ST13: variants seen among roughly 807,000 people sequenced by gnomAD.
ST13 encodes the protein hsc70-interacting protein.
ST13 carries 23 observed loss-of-function variants against 56.7 expected under a neutral mutation model. The ratio of observed to expected loss-of-function variants is 0.41; its 90% CI spans 0.29 to 0.57. ST13 has a LOEUF of 0.57. ST13 is among the 20% of genes least tolerant of loss of function. ST13 has a pLI of 0.36. For synonymous variants in ST13, 132 were observed against 142.4 expected (o/e 0.93, Z 0.52); for missense variants, 369 against 459.9 (o/e 0.80, Z 1.81).
chr22:40,833,887 C>CA (rs1437897291), intron 7 of ST13, among the ~76,000 whole-genome samples: 1 of 152,064 alleles, frequency 6.6e-6, no homozygotes, highest in Non-Finnish European at 1.5e-5. Flanking sequence ...CAAAACAAAA[C>CA]ACTGTGTATT....
chr22:40,838,911 T>TA (rs138338), intron 5 of ST13, among the ~76,000 whole-genome samples: 5,251 of 139,768 alleles, frequency 0.038, 135 homozygotes, highest in South Asian at 0.071. Flanking sequence ...ATAGCATAAA[T>TA]AAAAAAAAAA....
At chr22:40,851,487 G>T (rs984677311) in intron 1 of ST13, among the ~76,000 whole-genome samples, 1 of 151,828 alleles carries the variant, frequency 6.6e-6, no homozygotes, top group African/African-American at 2.4e-5. Context: ...ATAGTTCAGG[G>T]CAACACAATT....
chr22:40,830,838 A>G lies in ST13; in HGVS notation c.798+2T>C. The G allele has an allele frequency of 6.3e-7, 1 of 1,591,314 alleles. No homozygotes were observed. On this transcript the variant is annotated splice_donor_variant, in intron 9 of 11. Transcript: ENST00000216218. LOFTEE classifies it high-confidence loss of function. The stretch of plus-strand genomic sequence containing the variant: ...TTCATGGCTTAGCTATAGGAAATTT[A>G]CCCTCTGGGCTCTCTCATGCTCTTC...
intron 3 of ST13, 42 bp downstream of exon 3, chr22:40,848,252 C>T (rs369291321): frequency 7.2e-7 from 1 of 1,395,658 alleles, no homozygotes; most frequent in African/African-American, 1.4e-5. Context: ...CAAAGTATCA[C>T]ATCATAGGTT....
chr22:40,846,334 A>G (rs1446337089), intron 3 of ST13, among the ~76,000 whole-genome samples: 5 of 152,150 alleles, frequency 3.3e-5, no homozygotes, highest in South Asian at 2.1e-4. Flanking sequence ...TCACATATTT[A>G]TTTGTTTTTG....
chr22:40,846,024 C>T (rs1003474435), intron 3 of ST13, among the ~76,000 whole-genome samples: 1 of 152,152 alleles, frequency 6.6e-6, no homozygotes, highest in Non-Finnish European at 1.5e-5. Context: ...GTAACCTCTG[C>T]CTCCCAGGTT....
chr22:40,841,016 C>T (rs577223976), intron 4 of ST13, among the ~76,000 whole-genome samples: 1 of 152,248 alleles, frequency 6.6e-6, no homozygotes, highest in African/African-American at 2.4e-5. Context: ...AGATAACTAG[C>T]TCCTTTTAGG....
At chr22:40,838,136 G>T (rs2057786363) in intron 5 of ST13, among the ~76,000 whole-genome samples, 2 of 152,154 alleles carry the variant, frequency 1.3e-5, no homozygotes, top group Non-Finnish European at 2.9e-5. Flanking sequence ...ACTACTCAAT[G>T]ATGCTGTTGT....
At position 40,829,671 on chromosome 22, in the gene ST13, C is replaced by A; in HGVS notation, c.802G>T (p.Glu268Ter). Residue 268 changes from glutamate (E) to a stop codon, truncating the protein, a stop_gained, in exon 10 of 12, where the codon GAA becomes TAA. Transcript: ENST00000216218. LOFTEE classifies it high-confidence loss of function. ...GCTCCTGACTGTCGTCTGGCTTCTT[C>A]CTCCTTTGATACAAAAGGAAATAAA... ...REEHERAQRE[E>*]EARRQSGAQY... The A allele has an allele frequency of 6.8e-7, 1 of 1,480,368 alleles. No individual in the cohort carries two copies. Among genetic ancestry groups the A allele is most frequent in the Non-Finnish European group, 9.1e-7 (1 of 1,096,130 alleles). The allele number at this position is 1,480,368 out of a possible 1,614,324, so 91.7% of individuals were successfully genotyped here. A position where few individuals can be genotyped will look rare whatever the true frequency, so the allele number is the denominator to read the frequency against.
chr22:40,850,182 C>CAGT (rs2057854254), intron 2 of ST13, among the ~76,000 whole-genome samples: 1 of 152,318 alleles, frequency 6.6e-6, no homozygotes, highest in African/African-American at 2.4e-5. Flanking sequence ...CGCTTGAAGC[C>CAGT]AGTAGGCTGA....
rs374954482 is a variant in ST13, at chr22:40,856,469, G to C, written c.72C>G (p.His24Gln). The C allele has an allele frequency of 1.9e-6, 3 of 1,613,624 alleles. No homozygotes were observed. In the Admixed American group the frequency reaches 5.0e-5, roughly 27 times the overall value. ...CCCTCAGGAAGCGCATTTCCTCGGT[G>C]TGCAGAACGCTCGGATCCTGCTTAC... ...KMCKQDPSVL[H>Q]TEEMRFLREW... The change falls in exon 1 of 12, where the codon CAC becomes CAG. Residue 24 changes from histidine to glutamine, a missense_variant. His to Gln is a conservative substitution (Grantham distance 24, BLOSUM62 0). Transcript: ENST00000216218.
At chr22:40,830,014 A>G (rs930646925) in intron 9 of ST13, among the ~76,000 whole-genome samples, 4 of 152,236 alleles carry the variant, frequency 2.6e-5, no homozygotes, top group Admixed American at 2.6e-4. Context: ...GACTACCATG[A>G]CTTTTGTTTC....
chr22:40,848,615 C>T (rs1001036884), intron 2 of ST13, among the ~76,000 whole-genome samples: 6 of 152,004 alleles, frequency 3.9e-5, no homozygotes, highest in East Asian at 1.9e-4. Context: ...TGGTGGTGCC[C>T]GCTTGTAATC....
chr22:40,829,826 T>A (rs527991625), intron 9 of ST13, 152 bp from the exon 10 acceptor site: 1 of 399,564 alleles, frequency 2.5e-6, no homozygotes, highest in East Asian at 3.9e-5. Context: ...CCTTCAAACA[T>A]TTTTTCCAAA....
intron 8 of ST13, 129 bp downstream of exon 8, chr22:40,832,440 T>C (rs1485877370): frequency 1.5e-6 from 1 of 679,226 alleles, no homozygotes; most frequent in South Asian, 1.8e-5. Context: ...ACTTCAGCAA[T>C]TACAGATTAT....
intron 1 of ST13, among the ~76,000 whole-genome samples, chr22:40,851,965 G>A (rs888497567): frequency 2.6e-5 from 4 of 152,044 alleles, no homozygotes; most frequent in African/African-American, 4.8e-5. Flanking sequence ...GAACGGTCTC[G>A]ATCTCCTGAC....
At chr22:40,836,044 A>G (rs2057775743) in intron 5 of ST13, 157 bp from the exon 6 acceptor site, 1 of 599,624 alleles carries the variant, frequency 1.7e-6, no homozygotes, top group Non-Finnish European at 2.9e-6. Context: ...TCTTGAAAGC[A>G]AATCTTACCA....
intron 10 of ST13, among the ~76,000 whole-genome samples, chr22:40,827,613 G>A (rs2057734872): frequency 6.6e-6 from 1 of 152,188 alleles, no homozygotes; most frequent in South Asian, 2.1e-4. Context: ...GAGTAGTTGA[G>A]ACTACAGGCA....
rs964511116 is a variant in ST13, at chr22:40,825,621, T to TA, written c.*916dup. On this transcript the variant is annotated 3_prime_UTR_variant, in exon 12 of 12. Transcript: ENST00000216218. ...AAATATGCTTGTATAATTACGCTGT[T>TA]AATGATGATAGCAGTGATGATGCCG... The TA allele has an allele frequency of 6.6e-6, 1 of 152,136 alleles. No individual in the cohort carries two copies. The highest frequency in any genetic ancestry group is 1.5e-5 in the Non-Finnish European group (1 of 68,038). 9.4% of individuals were successfully genotyped at this position (152,136 alleles called of 1,614,324 possible). A position where few individuals can be genotyped will look rare whatever the true frequency, so the allele number is the denominator to read the frequency against.
Sources: allele counts gnomAD v4.1 joint callset (sites outside exome capture counted in the v4.1 genomes callset), GRCh38; gene constraint gnomAD v4.1.1; transcripts MANE v1.5; gene names NCBI Gene and HGNC (gene_info 2026-07-23, HGNC 2026-07-21).